EXT1: variants seen among roughly 807,000 people sequenced by gnomAD.
EXT1 encodes the protein exostosin glycosyltransferase 1.
A neutral mutation model predicts 82.5 loss-of-function variants in EXT1; 20 were observed. The ratio of observed to expected loss-of-function variants is 0.24; its 90% CI spans 0.17 to 0.35. The LOEUF (loss-of-function observed/expected upper bound fraction) is 0.35, where lower values mean the gene tolerates loss of function less well. Ranked by LOEUF, EXT1 falls within the 10% of genes least tolerant of loss-of-function variation. The pLI, the probability that EXT1 is intolerant of heterozygous loss-of-function variation, is 1.00. For synonymous variants in EXT1, 348 were observed against 350.8 expected (o/e 0.99, Z 0.09); for missense variants, 757 against 936.5 (o/e 0.81, Z 2.50).
chr8:117,924,783 C>T (rs1284447574), intron 1 of EXT1, among the ~76,000 whole-genome samples: 1 of 152,154 alleles, frequency 6.6e-6, no homozygotes, highest in East Asian at 1.9e-4. Flanking sequence ...TCACTTTATT[C>T]CCCATATTGG....
intron 1 of EXT1, among the ~76,000 whole-genome samples, chr8:117,933,973 A>G (rs773311554): frequency 1.3e-5 from 2 of 152,082 alleles, no homozygotes; most frequent in African/African-American, 2.4e-5. Context: ...TTCCAGCTCT[A>G]GGAGTCTCAC....
intron 1 of EXT1, among the ~76,000 whole-genome samples, chr8:118,042,663 C>T (rs534535453): frequency 6.6e-6 from 1 of 152,280 alleles, no homozygotes; most frequent in Non-Finnish European, 1.5e-5. Flanking sequence ...GCATGTTCTC[C>T]TGTGTTCTCT....
At chr8:118,025,846 A>G (rs1057184285) in intron 1 of EXT1, among the ~76,000 whole-genome samples, 2 of 152,210 alleles carry the variant, frequency 1.3e-5, no homozygotes, top group Non-Finnish European at 2.9e-5. Flanking sequence ...CAAATGTGCC[A>G]TAAATGACAA....
chr8:118,095,754 G>C (rs966992727), intron 1 of EXT1, among the ~76,000 whole-genome samples: 15 of 152,176 alleles, frequency 9.9e-5, no homozygotes, highest in African/African-American at 3.4e-4. Flanking sequence ...AGTGTCATAT[G>C]ATTGTCACCA....
chr8:117,900,273 G>A (rs556606581), intron 1 of EXT1, among the ~76,000 whole-genome samples: 14 of 152,132 alleles, frequency 9.2e-5, no homozygotes, highest in Non-Finnish European at 1.8e-4. Context: ...AGGCAACGTC[G>A]GTACTGTTTC....
chr8:117,857,539 C>CAA (rs60946277), intron 1 of EXT1, among the ~76,000 whole-genome samples: 2 of 143,092 alleles, frequency 1.4e-5, no homozygotes, highest in Non-Finnish European at 3.1e-5. Flanking sequence ...TTCCCCCCGC[C>CAA]AAAAAAAAAA....
At chr8:118,066,564 T>C (rs1816992846) in intron 1 of EXT1, among the ~76,000 whole-genome samples, 1 of 152,134 alleles carries the variant, frequency 6.6e-6, no homozygotes, top group Non-Finnish European at 1.5e-5. Context: ...TTTCACCATG[T>C]TGACCAGGCT....
At chr8:117,843,967 G>A (rs965778832) in intron 1 of EXT1, among the ~76,000 whole-genome samples, 1 of 151,902 alleles carries the variant, frequency 6.6e-6, no homozygotes, top group African/African-American at 2.4e-5. Context: ...TTTCAAGCAT[G>A]GGCTATTCGT....
chr8:118,050,465 CT>C (rs1816699393), intron 1 of EXT1, among the ~76,000 whole-genome samples: 1 of 152,194 alleles, frequency 6.6e-6, no homozygotes, highest in Non-Finnish European at 1.5e-5. Flanking sequence ...CTTTCTATTA[CT>C]GATGATTATT....
chr8:117,816,956 T>C (rs1300314480), intron 7 of EXT1, among the ~76,000 whole-genome samples: 1 of 152,086 alleles, frequency 6.6e-6, no homozygotes, highest in Non-Finnish European at 1.5e-5. Flanking sequence ...GGCATTGGAA[T>C]TGGAACACTG....
At chr8:117,973,930 C>CAAGCAAGGAAGGAAGG (rs1307145988) in intron 1 of EXT1, among the ~76,000 whole-genome samples, 1 of 79,500 alleles carries the variant, frequency 1.3e-5, no homozygotes, top group African/African-American at 5.4e-5. Flanking sequence ...AGGCAGAAAG[C>CAAGCAAGGAAGGAAGG]AAGGAAGGAA....
chr8:118,001,671 A>C (rs1002986848), intron 1 of EXT1, among the ~76,000 whole-genome samples: 1 of 152,202 alleles, frequency 6.6e-6, no homozygotes, highest in African/African-American at 2.4e-5. Context: ...AATGTAGTAA[A>C]ACCAACATAA....
chr8:117,800,669 AC>A (rs1389989922), intron 10 of EXT1, among the ~76,000 whole-genome samples: 1 of 151,838 alleles, frequency 6.6e-6, no homozygotes, highest in Non-Finnish European at 1.5e-5. Flanking sequence ...CTTGACTAAA[AC>A]CCCCAAAGGT....
chr8:117,896,547 C>A (rs62521138), intron 1 of EXT1, among the ~76,000 whole-genome samples: 2 of 152,182 alleles, frequency 1.3e-5, no homozygotes, highest in Non-Finnish European at 2.9e-5. Context: ...TTTCACTCCT[C>A]TGCCAACTCT....
chr8:118,025,120 T>G (rs1285084012), intron 1 of EXT1, among the ~76,000 whole-genome samples: 1 of 152,170 alleles, frequency 6.6e-6, no homozygotes. Flanking sequence ...TCCCTGTCAC[T>G]GTACTGGGGG....
chr8:118,000,731 C>T (rs376818009), intron 1 of EXT1, among the ~76,000 whole-genome samples: 2 of 152,186 alleles, frequency 1.3e-5, no homozygotes, highest in Admixed American at 1.3e-4. Context: ...TCTTGCAATT[C>T]CCTAGTAGCT....
chr8:118,043,875 T>G lies in EXT1; in HGVS notation c.962+66210A>C, dbSNP rs1304497005. ...GTCCAACTCACTTCCAGAAAGGGAATGAAACAAAATTTCCAAGAAATACCA... is the reference window on the plus strand; with the variant it reads ...GTCCAACTCACTTCCAGAAAGGGAAGGAAACAAAATTTCCAAGAAATACCA... On this transcript the variant is annotated intron_variant, in intron 1 of 10. Transcript: ENST00000378204. Among the ~76,000 whole-genome samples, 12 of 152,316 alleles carry G rather than the reference T, an allele frequency of 7.9e-5. No individual in the cohort carries two copies. The South Asian group carries it at 2.3e-3, about 29-fold the overall frequency.
In EXT1 at chr8:117,799,704, C is replaced by T. The variant is rs139405485; in HGVS notation, c.*8G>A. ...TCTTGCTTCCCCTCCCCCACTCAGC[C>T]GGATTCCTCAAAGTCGCTCAATGTC... On this transcript the variant is annotated 3_prime_UTR_variant, in exon 11 of 11. Coordinates refer to ENST00000378204, the MANE Select transcript of EXT1 (RefSeq NM_000127.3). The T allele has an allele frequency of 1.2e-4, 196 of 1,613,896 alleles. No individual in the cohort carries two copies. Among genetic ancestry groups the T allele is most frequent in the Non-Finnish European group, 1.6e-4 (186 of 1,179,954 alleles).
chr8:117,957,657 A>T (rs756649727), intron 1 of EXT1, among the ~76,000 whole-genome samples: 33 of 152,244 alleles, frequency 2.2e-4, no homozygotes, highest in Non-Finnish European at 3.1e-4. Context: ...TTAAAACAGT[A>T]AAACCCTGCC....
Sources: allele counts gnomAD v4.1 joint callset (sites outside exome capture counted in the v4.1 genomes callset), GRCh38; gene constraint gnomAD v4.1.1; transcripts MANE v1.5; gene names NCBI Gene and HGNC (gene_info 2026-07-23, HGNC 2026-07-21).